The following FBXO40 variants were observed in gnomAD, a reference collection of about 807,000 sequenced individuals.
FBXO40 encodes F-box only protein 40.
Under a neutral mutation model 49.9 loss-of-function variants are expected in FBXO40, and 50 were observed. The ratio of observed to expected loss-of-function variants is 1.00; its 90% CI spans 0.80 to 1.27. The LOEUF is 1.27. Ranked by LOEUF, FBXO40 falls within the 50% of genes most tolerant of loss-of-function variation. FBXO40 has a pLI of 0.00. For synonymous variants in FBXO40, 340 were observed against 320.2 expected (o/e 1.06, Z -0.66); for missense variants, 895 against 870.1 (o/e 1.03, Z -0.36).
At chr3:121,598,608 G>A (rs1330059475) in intron 1 of FBXO40, among the ~76,000 whole-genome samples, 2 of 152,214 alleles carry the variant, frequency 1.3e-5, no homozygotes, top group African/African-American at 4.8e-5. Flanking sequence ...AATAGAAGGA[G>A]TGAGACTGAT....
At chr3:121,607,300 CTTTTT>C (rs555162944) in intron 1 of FBXO40, among the ~76,000 whole-genome samples, 7 of 60,128 alleles carry the variant, frequency 1.2e-4, no homozygotes, top group African/African-American at 2.7e-4. Flanking sequence ...CTCTAAAGCT[CTTTTT>C]TTTTTTTTTT....
rs2049044266 is a variant in FBXO40 at position 121,623,228 on chromosome 3, C to T, written c.1799C>T (p.Ser600Phe). The T allele has an allele frequency of 6.2e-7, 1 of 1,614,168 alleles. No individual in the cohort carries two copies. Among genetic ancestry groups the T allele is most frequent in the Non-Finnish European group, 8.5e-7 (1 of 1,180,036 alleles). ...AGCCTGGCCCAGCTCTCCCAGGTGT[C>T]TGTGCTGATGAGGAATATCTGTGCC... The part of the protein sequence containing the change: ...SVSLAQLSQV[S>F]VLMRNICATL... Residue 600 changes from serine (S) to phenylalanine (F), a missense_variant, in exon 3 of 4, where the codon TCT becomes TTT. Ser to Phe is a radical substitution (Grantham distance 155). Coordinates refer to ENST00000338040, the MANE Select transcript of FBXO40 (RefSeq NM_016298.4).
intron 1 of FBXO40, among the ~76,000 whole-genome samples, chr3:121,595,567 G>T (rs892464189): frequency 1.3e-5 from 2 of 152,234 alleles, no homozygotes; most frequent in African/African-American, 4.8e-5. Context: ...TTCAGATTGT[G>T]AAGTGGAATG....
chr3:121,625,317 A>G (rs747162510), intron 3 of FBXO40, among the ~76,000 whole-genome samples: 22 of 152,230 alleles, frequency 1.4e-4, no homozygotes, highest in Non-Finnish European at 1.6e-4. Flanking sequence ...CAATAATTCT[A>G]TAATCTCACT....
Position 121,602,826 on chromosome 3 carries a change from T to C in FBXO40, c.-31+9324T>C, listed in dbSNP as rs184543341. Among the ~76,000 whole-genome samples the C allele has an allele frequency of 1.2e-3, 186 of 152,284 alleles. 1 individual carries two copies. The Middle Eastern group carries it at 0.014, about 11-fold the overall frequency. ...ACCTGGAATATGGCAGGAATCTACC[T>C]CTACATTACACTGCATGTTAAGAGA... is the stretch of plus-strand genomic sequence containing the variant. On this transcript the variant is annotated intron_variant, in intron 1 of 3. Coordinates refer to ENST00000338040, the MANE Select transcript of FBXO40 (RefSeq NM_016298.4).
chr3:121,615,064 G>A (rs2048989811), intron 1 of FBXO40, among the ~76,000 whole-genome samples: 1 of 152,120 alleles, frequency 6.6e-6, no homozygotes, highest in South Asian at 2.1e-4. Context: ...AGTTTGCTGG[G>A]TGTGGTGGCA....
intron 1 of FBXO40, among the ~76,000 whole-genome samples, chr3:121,601,379 G>A (rs899178936): frequency 6.6e-6 from 1 of 151,636 alleles, no homozygotes; most frequent in African/African-American, 2.4e-5. Context: ...TAGCTCCAAA[G>A]CCTGGTAGGA....
intron 3 of FBXO40, among the ~76,000 whole-genome samples, 190 bp downstream of exon 3, chr3:121,623,533 C>T (rs2049045843): frequency 6.6e-6 from 1 of 152,092 alleles, no homozygotes; most frequent in Non-Finnish European, 1.5e-5. Context: ...ATCACCACTT[C>T]TGACTAATTT....
rs990306554 is a variant in FBXO40, at chr3:121,593,391, GA to G, written c.-140del. The G allele has an allele frequency of 3.3e-5, 5 of 152,272 alleles. No individual in the cohort carries two copies. Among genetic ancestry groups the G allele is most frequent in the Admixed American group, 1.3e-4 (2 of 15,276 alleles). 9.4% of individuals were successfully genotyped at this position (152,272 alleles called of 1,614,324 possible). On this transcript the variant is annotated 5_prime_UTR_variant, in exon 1 of 4. Transcript: ENST00000338040. Reference sequence around the variant, plus strand: ...CTCTCCTTTCCCTGCCTTCCCAACAGAACGCTGTCCTCTACTGCAGCTGATG... The same window carrying G: ...CTCTCCTTTCCCTGCCTTCCCAACAGACGCTGTCCTCTACTGCAGCTGATG...
Position 121,626,975 on chromosome 3 carries a change from A to G in FBXO40, c.*65A>G. On this transcript the variant is annotated 3_prime_UTR_variant, in exon 4 of 4. Transcript: ENST00000338040. ...TCTCGGAGTTCCTGAAGTAGGACAGAGTGTGTGGTTTTGAGGACTCCCTTC... is the reference window on the plus strand; with the variant it reads ...TCTCGGAGTTCCTGAAGTAGGACAGGGTGTGTGGTTTTGAGGACTCCCTTC... The G allele has an allele frequency of 6.6e-7, 1 of 1,518,596 alleles. No homozygotes were observed. The highest frequency in any genetic ancestry group is 1.1e-5 in the South Asian group (1 of 87,826). 94.1% of individuals were successfully genotyped at this position (1,518,596 alleles called of 1,614,324 possible).
chr3:121,598,411 G>C (rs1576449126), intron 1 of FBXO40, among the ~76,000 whole-genome samples: 3 of 152,300 alleles, frequency 2.0e-5, no homozygotes, highest in Admixed American at 2.0e-4. Context: ...GGTAAATATT[G>C]CCAATCCATT....
chr3:121,611,526 G>C (rs963426651), intron 1 of FBXO40, among the ~76,000 whole-genome samples: 3 of 152,190 alleles, frequency 2.0e-5, no homozygotes, highest in African/African-American at 7.2e-5. Flanking sequence ...TCCCACCATA[G>C]GGTGGTTTTT....
intron 1 of FBXO40, among the ~76,000 whole-genome samples, chr3:121,605,619 T>G (rs2048928104): frequency 6.6e-6 from 1 of 152,152 alleles, no homozygotes; most frequent in Non-Finnish European, 1.5e-5. Flanking sequence ...AAACTGGAGT[T>G]TTTGAGCTTT....
intron 1 of FBXO40, among the ~76,000 whole-genome samples, chr3:121,613,994 C>T (rs895311435): frequency 2.2e-4 from 33 of 152,078 alleles, no homozygotes; most frequent in Non-Finnish European, 1.3e-4. Context: ...TTAGACTGGG[C>T]GCAGTGGCTC....
rs549950746 is a variant in FBXO40 at position 121,615,100 on chromosome 3, G to T, written c.-30-5446G>T. Among the ~76,000 whole-genome samples the T allele has an allele frequency of 8.4e-4, 127 of 150,910 alleles. 1 individual carries two copies. Among genetic ancestry groups the T allele is most frequent in the South Asian group, 6.2e-3 (30 of 4,802 alleles). On this transcript the variant is annotated intron_variant, in intron 1 of 3. Transcript: ENST00000338040. ...TGTGCCTGTAGTCCCAGCTACTCGG[G>T]AGGCTGAGACAGGAGAATCGCTTGA... is the stretch of plus-strand genomic sequence containing the variant.
chr3:121,593,660 T>C lies in FBXO40; in HGVS notation c.-31+158T>C, dbSNP rs548883664. 2.6e-5 allele frequency among the ~76,000 whole-genome samples: 4 copies of C among 152,340 alleles called. No individual in the cohort carries two copies. The South Asian group carries it at 8.3e-4, about 32-fold the overall frequency. On this transcript the variant is annotated intron_variant, in intron 1 of 3. Coordinates refer to ENST00000338040, the MANE Select transcript of FBXO40 (RefSeq NM_016298.4). ...GTGGGGGAAAGGCTGGCACTGAGAA[T>C]GAGATCCAGCCGTGTGTAAATTTCT... is the stretch of plus-strand genomic sequence containing the variant.
At chr3:121,604,152 G>T (rs2048918514) in intron 1 of FBXO40, among the ~76,000 whole-genome samples, 1 of 152,176 alleles carries the variant, frequency 6.6e-6, no homozygotes, top group Non-Finnish European at 1.5e-5. Context: ...ACCTCTTCCT[G>T]CTGAGAAACG....
chr3:121,617,147 C>T (rs912218324), intron 1 of FBXO40, among the ~76,000 whole-genome samples: 2 of 152,016 alleles, frequency 1.3e-5, no homozygotes, highest in Admixed American at 1.3e-4. Flanking sequence ...TTCAAAACAG[C>T]TAAAAGAGAG....
chr3:121,601,847 T>C (rs1409566068), intron 1 of FBXO40, among the ~76,000 whole-genome samples: 6 of 152,376 alleles, frequency 3.9e-5, no homozygotes. Context: ...TTTGTCATCA[T>C]TGGTGAATTT....
Sources: gnomAD v4.1 joint callset for allele counts (sites outside exome capture counted in the v4.1 genomes callset) on GRCh38, gnomAD v4.1.1 for gene constraint, MANE v1.5 for transcripts, NCBI Gene and HGNC (gene_info 2026-07-23, HGNC 2026-07-21) for gene names.